The following PPP1R3E variants were observed in gnomAD, a reference collection of about 807,000 sequenced individuals.
PPP1R3E encodes the protein protein phosphatase 1 regulatory subunit 3E.
In PPP1R3E, 20 loss-of-function variants were observed where a neutral mutation model predicts 18.5. That is an observed-to-expected ratio of 1.08 (90% CI 0.76 to 1.58). The LOEUF (loss-of-function observed/expected upper bound fraction) is 1.58, where lower values mean the gene tolerates loss of function less well. Ranked by LOEUF, PPP1R3E falls within the 40% of genes most tolerant of loss-of-function variation. The pLI is 0.00. For missense variants in PPP1R3E, 498 were observed against 460.2 expected (o/e 1.08, Z -0.75); for synonymous variants, 208 against 208.1 (o/e 1.00, Z 0.00).
At chr14:23,302,106 C>T (rs1312485930) in intron 1 of PPP1R3E, 54 bp downstream of exon 1, 1 of 1,381,458 alleles carries the variant, frequency 7.2e-7, no homozygotes, top group Non-Finnish European at 9.3e-7. Flanking sequence ...CCCACAAGCC[C>T]GCTGCGGCCG....
In PPP1R3E at chr14:23,296,184, T is replaced by G. The variant is rs1886873686; in HGVS notation, c.*3120A>C. ...TCAGTCTTTTTAGCAAGGTCACTGC[T>G]CCTTAGCAACATCAACAAAAGTGCC... On this transcript the variant is annotated 3_prime_UTR_variant, in exon 5 of 5. Transcript: ENST00000452015. The G allele has an allele frequency of 6.6e-6, 1 of 152,202 alleles. No individual in the cohort carries two copies. Among genetic ancestry groups the G allele is most frequent in the South Asian group, 2.1e-4 (1 of 4,832 alleles). 9.4% of individuals were successfully genotyped at this position (152,202 alleles called of 1,614,324 possible). A position where few individuals can be genotyped will look rare whatever the true frequency, so the allele number is the denominator to read the frequency against.
chr14:23,298,087 G>A lies in PPP1R3E; in HGVS notation c.*1217C>T, dbSNP rs1334421820. 1.3e-5 allele frequency: 2 copies of A among 152,282 alleles called. No individual in the cohort carries two copies. Among genetic ancestry groups the A allele is most frequent in the African/African-American group, 2.4e-5 (1 of 41,420 alleles). The allele number at this position is 152,282 out of a possible 1,614,324, so 9.4% of individuals were successfully genotyped here. A position where few individuals can be genotyped will look rare whatever the true frequency, so the allele number is the denominator to read the frequency against. ...GGCCAGGAGAGAATTCCAATGTATGGAAAGGCTAGAGTGTAAGTGGGAAGG... is the reference window on the plus strand; with the variant it reads ...GGCCAGGAGAGAATTCCAATGTATGAAAAGGCTAGAGTGTAAGTGGGAAGG... On this transcript the variant is annotated 3_prime_UTR_variant, in exon 5 of 5. Transcript: ENST00000452015.
chr14:23,301,868 A>G lies in PPP1R3E; in HGVS notation c.418-10T>C, dbSNP rs1887054363. On this transcript the variant is annotated splice_polypyrimidine_tract_variant and intron_variant, in intron 1 of 4. Coordinates refer to ENST00000452015, the MANE Select transcript of PPP1R3E (RefSeq NM_001276318.2). ...GGGCGGCGCGCGCCTCCTGGGGGAA[A>G]GAAGAAGCGGGAGGAGGGAGCCCAG... 1 of 1,426,496 alleles carries G rather than the reference A, an allele frequency of 7.0e-7. No homozygotes were observed. The highest frequency in any genetic ancestry group is 9.1e-7 in the Non-Finnish European group (1 of 1,101,496). 88.4% of individuals were successfully genotyped at this position (1,426,496 alleles called of 1,614,324 possible).
Position 23,296,883 on chromosome 14 carries a change from G to A in PPP1R3E, c.*2421C>T, listed in dbSNP as rs1195595833. 1 of 152,254 alleles carries A rather than the reference G, an allele frequency of 6.6e-6. No homozygotes were observed. The highest frequency in any genetic ancestry group is 1.5e-5 in the Non-Finnish European group (1 of 68,048). 9.4% of individuals were successfully genotyped at this position (152,254 alleles called of 1,614,324 possible). ...CAGCAGGCTCCAGAAAAACACGGCA[G>A]TTAGAAACAAGGGAATGTGGGTGTT... On this transcript the variant is annotated 3_prime_UTR_variant, in exon 5 of 5. Coordinates refer to ENST00000452015, the MANE Select transcript of PPP1R3E (RefSeq NM_001276318.2).
At position 23,301,495 on chromosome 14, in the gene PPP1R3E, G is replaced by T; in HGVS notation, c.781C>A (p.Pro261Thr). 1 of 1,481,412 alleles carries T rather than the reference G, an allele frequency of 6.8e-7. No homozygotes were observed. The allele number at this position is 1,481,412 out of a possible 1,614,324, so 91.8% of individuals were successfully genotyped here. A position where few individuals can be genotyped will look rare whatever the true frequency, so the allele number is the denominator to read the frequency against. The change falls in exon 2 of 5, where the codon CCC (proline) becomes ACC (threonine). Residue 261 changes from proline (P) to threonine (T), a missense_variant. Physicochemically the swap from Pro to Thr is conservative, Grantham distance 38. Coordinates refer to ENST00000452015, the MANE Select transcript of PPP1R3E (RefSeq NM_001276318.2). ...GCTCCGCCACTGCCCGGGTGCTCGG[G>T]CCCACGTAGAGCATAGTCACGGCCG... ...NGGRDYALRG[P>T]EHPGSGGAPE...
Position 23,301,338 on chromosome 14 carries a change from C to T in PPP1R3E, c.*98G>A, listed in dbSNP as rs1290738324. On this transcript the variant is annotated 3_prime_UTR_variant, in exon 2 of 5. Transcript: ENST00000452015. ...CGGCTTGACTCCCTTGGACCGCTCC[C>T]GCCAATCCTGGTCTCTCCTACTCCT... is the stretch of plus-strand genomic sequence containing the variant. 8.1e-7 allele frequency: 1 copy of T among 1,231,994 alleles called. No homozygotes were observed. The highest frequency in any genetic ancestry group is 1.0e-6 in the Non-Finnish European group (1 of 983,202). 76.3% of individuals were successfully genotyped at this position (1,231,994 alleles called of 1,614,324 possible). A position where few individuals can be genotyped will look rare whatever the true frequency, so the allele number is the denominator to read the frequency against.
In PPP1R3E at chr14:23,302,253, C is replaced by T; in HGVS notation, c.324G>A (p.Glu108=). The T allele has an allele frequency of 6.6e-7, 1 of 1,519,692 alleles. No homozygotes were observed. 94.1% of individuals were successfully genotyped at this position (1,519,692 alleles called of 1,614,324 possible). ...GCACGTGGCGGGGCACCCGGGGCAG[C>T]TCACCGGGACGGAAGCGGCGCACGA... ...LAVVRRFRPG[E]LPRVPRHVQI... The change falls in exon 1 of 5, where the codon GAG becomes GAA. Residue 108 remains glutamate, a synonymous_variant. Coordinates refer to ENST00000452015, the MANE Select transcript of PPP1R3E (RefSeq NM_001276318.2).
chr14:23,301,295 C>T lies in PPP1R3E; in HGVS notation c.*138+3G>A. ...CACGCCCCCACGCCCCTGATTTCCC[C>T]ACCCTTTTCGCCCTCCCCGGCTTGA... is the stretch of plus-strand genomic sequence containing the variant. On this transcript the variant is annotated splice_donor_region_variant and intron_variant, in intron 2 of 4. Coordinates refer to ENST00000452015, the MANE Select transcript of PPP1R3E (RefSeq NM_001276318.2). 2.2e-6 allele frequency: 1 copy of T among 448,386 alleles called. No homozygotes were observed. The highest frequency in any genetic ancestry group is 3.0e-6 in the Non-Finnish European group (1 of 329,810). The allele number at this position is 448,386 out of a possible 1,614,324, so 27.8% of individuals were successfully genotyped here.
intron 1 of PPP1R3E, 57 bp downstream of exon 1, chr14:23,302,103 G>A (rs1887061489): frequency 3.3e-5 from 46 of 1,376,450 alleles, no homozygotes; most frequent in Middle Eastern, 5.0e-4. Flanking sequence ...ACTCCCACAA[G>A]CCCGCTGCGG....
rs1259295196 is a variant in PPP1R3E, at chr14:23,301,526, G to C, written c.750C>G (p.Asn250Lys). Residue 250 changes from asparagine to lysine, a missense_variant, in exon 2 of 5, where the codon AAC (asparagine) becomes AAG (lysine). Physicochemically the swap from Asn to Lys is moderately conservative, Grantham distance 94. Coordinates refer to ENST00000452015, the MANE Select transcript of PPP1R3E (RefSeq NM_001276318.2). ...YRVTGHEFWD[N>K]NGGRDYALRG... The stretch of plus-strand genomic sequence containing the variant: ...GTAGAGCATAGTCACGGCCGCCGTT[G>C]TTGTCCCAGAACTCGTGACCTGTCA... The C allele has an allele frequency of 1.3e-5, 19 of 1,500,140 alleles. No individual in the cohort carries two copies. The highest frequency in any genetic ancestry group is 1.7e-5 in the Non-Finnish European group (19 of 1,130,404). 92.9% of individuals were successfully genotyped at this position (1,500,140 alleles called of 1,614,324 possible). A position where few individuals can be genotyped will look rare whatever the true frequency, so the allele number is the denominator to read the frequency against.
Position 23,301,636 on chromosome 14 carries a change from G to T in PPP1R3E, c.640C>A (p.Pro214Thr). Residue 214 changes from proline to threonine, a missense_variant, in exon 2 of 5, where the codon CCC (proline) becomes ACC (threonine). Physicochemically the swap from Pro to Thr is conservative, Grantham distance 38. Transcript: ENST00000452015. ...APAAYAGPAPPPPRADRFAFR... is the reference protein window; with the variant it reads ...APAAYAGPAPTPPRADRFAFR... Reference sequence around the variant, plus strand: ...GCGAAGCGGTCGGCGCGCGGCGGGGGCGGGGCCGGACCGGCGTAGGCGGCT... The same window carrying T: ...GCGAAGCGGTCGGCGCGCGGCGGGGTCGGGGCCGGACCGGCGTAGGCGGCT... The T allele has an allele frequency of 7.3e-7, 1 of 1,367,556 alleles. No individual in the cohort carries two copies. The highest frequency in any genetic ancestry group is 9.4e-7 in the Non-Finnish European group (1 of 1,063,446). 84.7% of individuals were successfully genotyped at this position (1,367,556 alleles called of 1,614,324 possible).
At position 23,302,803 on chromosome 14, in the gene PPP1R3E, T is replaced by TA; in HGVS notation, c.-228dup. The TA allele has an allele frequency of 2.0e-6, 1 of 495,936 alleles. No individual in the cohort carries two copies. Among genetic ancestry groups the TA allele is most frequent in the East Asian group, 3.5e-5 (1 of 28,304 alleles). 30.7% of individuals were successfully genotyped at this position (495,936 alleles called of 1,614,324 possible). ...CTCTGGCCGTCAGCTTCCAGGGTCT[T>TA]AGACTATCACATCCTGCCTCCTGCT... On this transcript the variant is annotated 5_prime_UTR_variant, in exon 1 of 5. Coordinates refer to ENST00000452015, the MANE Select transcript of PPP1R3E (RefSeq NM_001276318.2).
In PPP1R3E at chr14:23,301,745, G is replaced by A; in HGVS notation, c.531C>T (p.Ser177=). ...AEAGPLGVAG[S]ARVVDLAYEK... is the part of the protein sequence containing the mutation. ...CGTAGGCCAGGTCCACCACGCGCGC[G>A]CTCCCGGCCACGCCCAGCGGGCCCG... The change falls in exon 2 of 5, where the codon AGC becomes AGT. Residue 177 remains serine, a synonymous_variant. Coordinates refer to ENST00000452015, the MANE Select transcript of PPP1R3E (RefSeq NM_001276318.2). 2.8e-6 allele frequency: 4 copies of A among 1,413,312 alleles called. No individual in the cohort carries two copies. The highest frequency in any genetic ancestry group is 2.8e-6 in the Non-Finnish European group (3 of 1,086,540). 87.5% of individuals were successfully genotyped at this position (1,413,312 alleles called of 1,614,324 possible). A position where few individuals can be genotyped will look rare whatever the true frequency, so the allele number is the denominator to read the frequency against.
intron 2 of PPP1R3E, 125 bp downstream of exon 2, chr14:23,301,173 T>C: frequency 2.6e-6 from 1 of 378,768 alleles, no homozygotes; most frequent in Non-Finnish European, 4.7e-6. Context: ...CTTCCTCCTA[T>C]ATTCTGAGTT....
rs984900548 is a variant in PPP1R3E at position 23,301,785 on chromosome 14, A to G, written c.491T>C (p.Leu164Pro). The change falls in exon 2 of 5, where the codon CTG (leucine) becomes CCG (proline). Residue 164 changes from leucine to proline, a missense_variant. Coordinates refer to ENST00000452015, the MANE Select transcript of PPP1R3E (RefSeq NM_001276318.2). Reference protein sequence around the residue: ...AARLLTQRICLERAEAGPLGV... With the variant: ...AARLLTQRICPERAEAGPLGV... Reference sequence around the variant, plus strand: ...CAGCGGGCCCGCCTCGGCGCGTTCCAGGCAGATGCGCTGCGTCAGCAAGCG... The same window carrying G: ...CAGCGGGCCCGCCTCGGCGCGTTCCGGGCAGATGCGCTGCGTCAGCAAGCG... 4.1e-6 allele frequency: 6 copies of G among 1,467,314 alleles called. No individual in the cohort carries two copies. Among genetic ancestry groups the G allele is most frequent in the Non-Finnish European group, 4.5e-6 (5 of 1,117,484 alleles). 90.9% of individuals were successfully genotyped at this position (1,467,314 alleles called of 1,614,324 possible).
At chr14:23,300,058 A>T (rs1886990680) in intron 3 of PPP1R3E, 1 of 148,300 alleles carries the variant, frequency 6.7e-6, no homozygotes, top group Admixed American at 6.9e-5. Context: ...TGTTTCCTTT[A>T]ATCTTTGGGG....
At chr14:23,302,011 C>A (rs781433173) in intron 1 of PPP1R3E, 149 bp downstream of exon 1, 2 of 1,247,390 alleles carry the variant, frequency 1.6e-6, no homozygotes, top group Admixed American at 7.3e-5. Context: ...GGCCTAGAGC[C>A]ACTCGCAGAT....
Position 23,302,505 on chromosome 14 carries a change from G to T in PPP1R3E, c.72C>A (p.Arg24=). The change falls in exon 1 of 5, where the codon CGC becomes CGA. Residue 24 remains arginine (R), a synonymous_variant. Transcript: ENST00000452015. ...NLSFIAALTE[R]AYYRSQRPSL... ...TGGGCCGCTGGCTACGGTAGTAGGC[G>T]CGCTCCGTTAGCGCGGCGATGAAGC... is the stretch of plus-strand genomic sequence containing the variant. 6.6e-7 allele frequency: 1 copy of T among 1,504,846 alleles called. No homozygotes were observed. Among genetic ancestry groups the T allele is most frequent in the Non-Finnish European group, 8.8e-7 (1 of 1,135,144 alleles). 93.2% of individuals were successfully genotyped at this position (1,504,846 alleles called of 1,614,324 possible).
intron 3 of PPP1R3E, among the ~76,000 whole-genome samples, chr14:23,299,913 G>GTTTTT (rs1244010225): frequency 4.3e-5 from 2 of 46,180 alleles, no homozygotes; most frequent in African/African-American, 1.4e-4. Flanking sequence ...TTGCTTTGGT[G>GTTTTT]TTTTTTTGTT....
Sources: gnomAD v4.1 joint callset for allele counts (sites outside exome capture counted in the v4.1 genomes callset) on GRCh38, gnomAD v4.1.1 for gene constraint, MANE v1.5 for transcripts, NCBI Gene and HGNC (gene_info 2026-07-23, HGNC 2026-07-21) for gene names.